The following CNBD2 variants were observed in gnomAD, a reference collection of about 807,000 sequenced individuals.
The protein encoded by CNBD2 is cyclic nucleotide-binding domain-containing protein 2.
In CNBD2, 64 loss-of-function variants were observed where a neutral mutation model predicts 63.7. The ratio of observed to expected loss-of-function variants is 1.00; its 90% CI spans 0.82 to 1.24. The LOEUF (loss-of-function observed/expected upper bound fraction) is 1.24, where lower values mean the gene tolerates loss of function less well. CNBD2 is among the 50% of genes most tolerant of loss of function. The pLI is 0.00. For synonymous variants in CNBD2, 229 were observed against 255.4 expected, an observed-to-expected ratio of 0.90 and a Z score of 0.99; for missense variants, 691 against 713.5, an observed-to-expected ratio of 0.97 and a Z score of 0.36.
At chr20:35,976,130 T>C (rs1410374874) in intron 3 of CNBD2, 128 bp downstream of exon 3, 1 of 763,034 alleles carries the variant, frequency 1.3e-6, no homozygotes, top group African/African-American at 1.7e-5. Flanking sequence ...CTTGTCACCC[T>C]GGGTTGGCCA....
intron 10 of CNBD2, among the ~76,000 whole-genome samples, chr20:36,017,970 A>G (rs1403585600): frequency 1.3e-5 from 2 of 152,198 alleles, no homozygotes; most frequent in African/African-American, 4.8e-5. Flanking sequence ...TCATTGTTTT[A>G]GTGGTCTTAT....
At chr20:35,987,365 TTGA>T (rs1227249887) in intron 6 of CNBD2, 27 bp from the exon 7 acceptor site, 2 of 1,612,964 alleles carry the variant, frequency 1.2e-6, no homozygotes, top group African/African-American at 2.7e-5. Flanking sequence ...TGTGATGGAG[TTGA>T]TGAATTCTAA....
At chr20:35,972,058 A>G (rs2056426895) in intron 1 of CNBD2, among the ~76,000 whole-genome samples, 1 of 152,172 alleles carries the variant, frequency 6.6e-6, no homozygotes. Context: ...TTATTATATT[A>G]CAGTACTGTA....
chr20:36,005,716 C>T (rs1011095745), intron 8 of CNBD2, among the ~76,000 whole-genome samples: 3 of 151,600 alleles, frequency 2.0e-5, no homozygotes, highest in East Asian at 2.0e-4. Flanking sequence ...TTTGGGAGGC[C>T]GAGGTAGACG....
At chr20:35,998,332 C>T (rs538428895) in intron 8 of CNBD2, among the ~76,000 whole-genome samples, 18 of 152,152 alleles carry the variant, frequency 1.2e-4, no homozygotes, top group Admixed American at 2.0e-4. Context: ...TGAGCCACCA[C>T]GCCTGGCCTC....
intron 8 of CNBD2, among the ~76,000 whole-genome samples, chr20:36,000,438 G>A (rs1045340271): frequency 1.3e-5 from 2 of 151,966 alleles, no homozygotes; most frequent in Admixed American, 6.6e-5. Flanking sequence ...GTGCAATAGT[G>A]TAATCTCGGC....
downstream of CNBD2, chr20:35,955,417 A>G (rs2056245090): frequency 6.6e-6 from 1 of 152,216 alleles, no homozygotes; most frequent in South Asian, 2.1e-4. Context: ...TTTAAATTGC[A>G]TGTGCAGTTT....
At chr20:35,966,257 G>A (rs2056344208), upstream of CNBD2, among the ~76,000 whole-genome samples, 2 of 151,904 alleles carry the variant, frequency 1.3e-5, no homozygotes, top group South Asian at 2.1e-4. Flanking sequence ...TTTTCTCATG[G>A]TATGGGGGAA....
At chr20:36,019,150 T>A (rs2057173435) in intron 10 of CNBD2, among the ~76,000 whole-genome samples, 1 of 151,656 alleles carries the variant, frequency 6.6e-6, no homozygotes, top group Non-Finnish European at 1.5e-5. Flanking sequence ...GCAGGGTGGG[T>A]GGGGAGGTTC....
At chr20:35,971,662 C>T (rs1159490206) in intron 1 of CNBD2, among the ~76,000 whole-genome samples, 4 of 152,148 alleles carry the variant, frequency 2.6e-5, no homozygotes, top group East Asian at 1.9e-4. Context: ...GTGATTCACC[C>T]GCCTTGGCCT....
chr20:35,958,315 C>T (rs370592602), downstream of CNBD2, among the ~76,000 whole-genome samples: 26 of 152,200 alleles, frequency 1.7e-4, no homozygotes, highest in South Asian at 8.3e-4. Flanking sequence ...ACCTGTAATC[C>T]GAGCTACTTG....
intron 3 of CNBD2, among the ~76,000 whole-genome samples, chr20:35,977,659 C>T (rs548355411): frequency 1.2e-3 from 182 of 152,270 alleles, no homozygotes; most frequent in African/African-American, 4.3e-3. Context: ...GTCTGGGTGA[C>T]AGAGTGAGAC....
upstream of CNBD2, chr20:35,954,516 C>T: frequency 2.6e-6 from 4 of 1,528,570 alleles, no homozygotes; most frequent in Non-Finnish European, 3.5e-6. Flanking sequence ...CAGGTCGGCG[C>T]GCGAGCACCC....
At chr20:36,021,102 G>C (rs921660853) in intron 10 of CNBD2, among the ~76,000 whole-genome samples, 17 of 152,124 alleles carry the variant, frequency 1.1e-4, no homozygotes, top group Admixed American at 1.1e-3. Flanking sequence ...TGGCCCAGGA[G>C]GTACTGTGTG....
chr20:36,005,420 C>T (rs1160509194), intron 8 of CNBD2, among the ~76,000 whole-genome samples: 1 of 152,112 alleles, frequency 6.6e-6, no homozygotes, highest in Admixed American at 6.6e-5. Context: ...CATGCACCTG[C>T]CACTCATCTC....
intron 2 of CNBD2, among the ~76,000 whole-genome samples, chr20:35,963,410 G>A (rs1184641294): frequency 2.0e-5 from 3 of 151,322 alleles, no homozygotes; most frequent in Admixed American, 6.6e-5. Context: ...GGCCGGTCAC[G>A]GTGGCGGATC....
At chr20:35,957,561 C>T (rs145187515), downstream of CNBD2, among the ~76,000 whole-genome samples, 1,328 of 152,234 alleles carry the variant, frequency 8.7e-3, 75 homozygotes, top group Admixed American at 0.075. Context: ...TTAAAACATT[C>T]AGATTCCCAG....
chr20:35,994,804 G>T (rs1245257581), intron 7 of CNBD2, among the ~76,000 whole-genome samples: 1 of 151,912 alleles, frequency 6.6e-6, no homozygotes, highest in Non-Finnish European at 1.5e-5. Flanking sequence ...CAGGAGAATC[G>T]CTTGAACTCA....
chr20:35,969,161 C>G (rs750441734), intron 1 of CNBD2, among the ~76,000 whole-genome samples: 4 of 152,252 alleles, frequency 2.6e-5, no homozygotes, highest in South Asian at 4.1e-4. Context: ...GGTTTAAATC[C>G]CTATCACCTA....
Sources: gnomAD v4.1 joint callset for allele counts (sites outside exome capture counted in the v4.1 genomes callset) on GRCh38, gnomAD v4.1.1 for gene constraint, MANE v1.5 for transcripts, NCBI Gene and HGNC (gene_info 2026-07-23, HGNC 2026-07-21) for gene names.